The following GPC5 variants were observed in gnomAD, a reference collection of about 807,000 sequenced individuals.
GPC5 encodes the protein glypican-5.
A neutral mutation model predicts 53.9 loss-of-function variants in GPC5; 47 were observed. The ratio of observed to expected loss-of-function variants is 0.87; its 90% CI spans 0.69 to 1.11. The LOEUF is 1.11. Ranked by LOEUF, GPC5 falls within the 50% of genes most tolerant of loss-of-function variation. GPC5 has a pLI of 0.00. For missense variants in GPC5, 748 were observed against 713.1 expected, an observed-to-expected ratio of 1.05 and a Z score of -0.56; for synonymous variants, 286 against 263.3, an observed-to-expected ratio of 1.09 and a Z score of -0.84.
chr13:91,714,524 A>C (rs554683968), intron 3 of GPC5, among the ~76,000 whole-genome samples: 21 of 152,248 alleles, frequency 1.4e-4, no homozygotes, highest in Non-Finnish European at 2.6e-4. Context: ...AAATGATTCC[A>C]TTTTAAATAT....
intron 7 of GPC5, among the ~76,000 whole-genome samples, chr13:92,276,320 T>G (rs926022453): frequency 1.3e-5 from 2 of 152,160 alleles, no homozygotes; most frequent in Admixed American, 6.6e-5. Flanking sequence ...ACCTAATCTT[T>G]CTGATTTTCT....
intron 6 of GPC5, among the ~76,000 whole-genome samples, chr13:92,082,376 T>G (rs1431355269): frequency 2.6e-5 from 4 of 152,160 alleles, no homozygotes; most frequent in Non-Finnish European, 4.4e-5. Flanking sequence ...AGTTCAAGTT[T>G]GTAGCCTCCT....
chr13:92,616,426 C>T (rs1179677382), intron 7 of GPC5, among the ~76,000 whole-genome samples: 1 of 152,100 alleles, frequency 6.6e-6, no homozygotes, highest in Non-Finnish European at 1.5e-5. Context: ...GTGGAAAAGT[C>T]TGGATGTGTA....
intron 7 of GPC5, among the ~76,000 whole-genome samples, chr13:92,830,613 T>A (rs1878014566): frequency 1.3e-5 from 2 of 152,102 alleles, no homozygotes; most frequent in South Asian, 4.1e-4. Flanking sequence ...ACTTAAAGCA[T>A]GGGATTTTTT....
chr13:92,146,105 GGA>G (rs1288179936), intron 7 of GPC5, among the ~76,000 whole-genome samples: 1 of 152,038 alleles, frequency 6.6e-6, no homozygotes, highest in East Asian at 1.9e-4. Flanking sequence ...TATTTAACAT[GGA>G]AAATAAATAG....
chr13:91,862,033 A>G (rs1039783471), intron 5 of GPC5, among the ~76,000 whole-genome samples: 2 of 152,160 alleles, frequency 1.3e-5, no homozygotes, highest in African/African-American at 4.8e-5. Flanking sequence ...CAATAAAATG[A>G]TATCTTTTTA....
intron 2 of GPC5, among the ~76,000 whole-genome samples, chr13:91,601,165 T>A (rs2033168598): frequency 6.6e-6 from 1 of 152,206 alleles, no homozygotes; most frequent in South Asian, 2.1e-4. Flanking sequence ...TTGACAGTTA[T>A]TTTTTAAAAA....
At chr13:91,619,741 G>A (rs993121302) in intron 2 of GPC5, among the ~76,000 whole-genome samples, 23 of 152,026 alleles carry the variant, frequency 1.5e-4, no homozygotes, top group Admixed American at 2.6e-4. Context: ...TTTGTTCTTC[G>A]GAGTTTTTCT....
intron 2 of GPC5, among the ~76,000 whole-genome samples, chr13:91,566,774 A>T (rs904113929): frequency 6.6e-6 from 1 of 152,178 alleles, no homozygotes; most frequent in African/African-American, 2.4e-5. Flanking sequence ...AAAGCACATC[A>T]TATCTATATG....
chr13:92,439,465 A>G (rs1335003133), intron 7 of GPC5, among the ~76,000 whole-genome samples: 1 of 152,160 alleles, frequency 6.6e-6, no homozygotes, highest in Admixed American at 6.6e-5. Context: ...ATATTTTTTC[A>G]TAATTAATAT....
At chr13:91,499,066 G>A (rs1884475383) in intron 2 of GPC5, among the ~76,000 whole-genome samples, 1 of 152,154 alleles carries the variant, frequency 6.6e-6, no homozygotes. Flanking sequence ...GAAAACAAAT[G>A]AGACTAGGAT....
At chr13:91,699,826 C>G (rs576000912) in intron 3 of GPC5, among the ~76,000 whole-genome samples, 3 of 152,118 alleles carry the variant, frequency 2.0e-5, no homozygotes, top group Non-Finnish European at 4.4e-5. Context: ...TTTCACCCAC[C>G]GACTTCTGGT....
intron 7 of GPC5, among the ~76,000 whole-genome samples, chr13:92,635,866 T>C (rs9556198): frequency 0.88 from 134,424 of 152,260 alleles, 60,466 homozygotes; most frequent in Non-Finnish European, 0.98. Context: ...CTGCATTGAA[T>C]TTCTTGGAAT....
At chr13:92,409,102 A>G (rs1028167326) in intron 7 of GPC5, among the ~76,000 whole-genome samples, 1 of 151,892 alleles carries the variant, frequency 6.6e-6, no homozygotes, top group Non-Finnish European at 1.5e-5. Flanking sequence ...ATAGAATCAT[A>G]TGTGCATTTC....
At chr13:92,103,819 A>C (rs2041485370) in intron 6 of GPC5, among the ~76,000 whole-genome samples, 1 of 152,142 alleles carries the variant, frequency 6.6e-6, no homozygotes, top group South Asian at 2.1e-4. Context: ...GCCAGCAAAG[A>C]GAGATTACGA....
intron 7 of GPC5, among the ~76,000 whole-genome samples, chr13:92,507,218 G>A (rs922538391): frequency 5.3e-5 from 8 of 152,012 alleles, no homozygotes; most frequent in Admixed American, 2.0e-4. Context: ...CCCATCCACC[G>A]TTTGTCTTCA....
intron 5 of GPC5, among the ~76,000 whole-genome samples, chr13:91,758,751 C>G (rs1055711916): frequency 6.6e-6 from 1 of 152,154 alleles, no homozygotes; most frequent in Non-Finnish European, 1.5e-5. Flanking sequence ...CTTCCCTTTC[C>G]TGTACCACCA....
At chr13:92,822,973 T>TG (rs999370386) in intron 7 of GPC5, among the ~76,000 whole-genome samples, 6 of 149,726 alleles carry the variant, frequency 4.0e-5, no homozygotes, top group African/African-American at 1.5e-4. Context: ...TGAGAAAGTG[T>TG]GAAAAAAAAA....
At chr13:92,484,691 G>A (rs1319620671) in intron 7 of GPC5, 2 of 152,020 alleles carry the variant, frequency 1.3e-5, no homozygotes, top group African/African-American at 4.8e-5. Flanking sequence ...TGTGAGTTTG[G>A]ACCATTATAG....
Sources: gnomAD v4.1 joint callset for allele counts (sites outside exome capture counted in the v4.1 genomes callset) on GRCh38, gnomAD v4.1.1 for gene constraint, MANE v1.5 for transcripts, NCBI Gene and HGNC (gene_info 2026-07-23, HGNC 2026-07-21) for gene names.